SGCZ: variants seen among roughly 807,000 people sequenced by gnomAD.
SGCZ encodes the protein sarcoglycan zeta.
A neutral mutation model predicts 41.3 loss-of-function variants in SGCZ; 40 were observed. The ratio of observed to expected loss-of-function variants is 0.97; its 90% CI spans 0.75 to 1.26. The LOEUF is 1.26. Ranked by LOEUF, SGCZ falls within the 50% of genes most tolerant of loss-of-function variation. The pLI is 0.00. For synonymous variants in SGCZ, 206 were observed against 137.5 expected, an observed-to-expected ratio of 1.50 and a Z score of -3.49; for missense variants, 552 against 369.8, an observed-to-expected ratio of 1.49 and a Z score of -4.04.
intron 1 of SGCZ, among the ~76,000 whole-genome samples, chr8:15,161,201 C>T (rs895802688): frequency 6.6e-6 from 1 of 152,084 alleles, no homozygotes; most frequent in African/African-American, 2.4e-5. Flanking sequence ...ATATACCCAC[C>T]TACTCCAACA....
chr8:15,047,792 C>T (rs1030185316), intron 1 of SGCZ, among the ~76,000 whole-genome samples: 9 of 151,920 alleles, frequency 5.9e-5, no homozygotes, highest in East Asian at 5.8e-4. Flanking sequence ...CTTTTATCAT[C>T]GTACCGCAGT....
chr8:14,477,368 T>A (rs1392416572), intron 2 of SGCZ, among the ~76,000 whole-genome samples: 2 of 152,152 alleles, frequency 1.3e-5, no homozygotes, highest in African/African-American at 4.8e-5. Flanking sequence ...CATTAATGAA[T>A]GTTAATATTC....
chr8:14,734,616 C>A (rs982221202), intron 1 of SGCZ, among the ~76,000 whole-genome samples: 1 of 152,148 alleles, frequency 6.6e-6, no homozygotes, highest in African/African-American at 2.4e-5. Context: ...ATAATCACTT[C>A]TCTTTATACT....
At chr8:14,189,206 T>G (rs951142372) in intron 4 of SGCZ, among the ~76,000 whole-genome samples, 2 of 152,118 alleles carry the variant, frequency 1.3e-5, no homozygotes, top group Non-Finnish European at 2.9e-5. Flanking sequence ...TAATCTGGGC[T>G]GCTGAAACGC....
chr8:14,554,964 A>T, intron 1 of SGCZ, 38 bp from the exon 2 acceptor site: 1 of 1,495,782 alleles, frequency 6.7e-7, no homozygotes, highest in Non-Finnish European at 9.0e-7. Flanking sequence ...AAGAAGGAAA[A>T]AAAAAGAAGC....
chr8:14,389,935 A>G (rs1475257351), intron 2 of SGCZ, among the ~76,000 whole-genome samples: 1 of 152,044 alleles, frequency 6.6e-6, no homozygotes, highest in Non-Finnish European at 1.5e-5. Context: ...AGTAAATGAC[A>G]AGTTAAAAAC....
chr8:15,119,766 G>A (rs907387930), intron 1 of SGCZ, among the ~76,000 whole-genome samples: 4 of 151,902 alleles, frequency 2.6e-5, no homozygotes, highest in Non-Finnish European at 5.9e-5. Context: ...TCACTACCAC[G>A]CTCTTATATT....
chr8:14,547,626 G>C (rs1416764982), intron 2 of SGCZ, among the ~76,000 whole-genome samples: 5 of 152,104 alleles, frequency 3.3e-5, no homozygotes, highest in Non-Finnish European at 7.4e-5. Context: ...CTGTTTTAAA[G>C]AGCTTTTGTA....
intron 1 of SGCZ, among the ~76,000 whole-genome samples, chr8:15,142,719 C>A (rs1798925130): frequency 6.6e-6 from 1 of 151,490 alleles, no homozygotes; most frequent in Non-Finnish European, 1.5e-5. Context: ...TCAAGTCATC[C>A]TCCAACCTCA....
intron 2 of SGCZ, among the ~76,000 whole-genome samples, chr8:14,347,790 G>C (rs1480041565): frequency 6.6e-6 from 1 of 151,994 alleles, no homozygotes; most frequent in Non-Finnish European, 1.5e-5. Context: ...TATTTACACT[G>C]TCTGTGTACT....
intron 1 of SGCZ, among the ~76,000 whole-genome samples, chr8:14,598,218 T>C (rs975913521): frequency 6.6e-6 from 1 of 151,866 alleles, no homozygotes; most frequent in Admixed American, 6.6e-5. Flanking sequence ...AAGTGGGGCA[T>C]TTTTTTTCAT....
chr8:14,380,399 T>C (rs532257533), intron 2 of SGCZ, among the ~76,000 whole-genome samples: 19 of 152,328 alleles, frequency 1.2e-4, no homozygotes, highest in African/African-American at 4.6e-4. Flanking sequence ...CTGATCCATC[T>C]GGAATTTATT....
At chr8:14,784,274 A>G (rs916351744) in intron 1 of SGCZ, among the ~76,000 whole-genome samples, 3 of 151,050 alleles carry the variant, frequency 2.0e-5, no homozygotes, top group Non-Finnish European at 4.4e-5. Context: ...CTGGTCTTGA[A>G]CTCCTGGGTT....
chr8:14,338,743 C>CT (rs1299583612), intron 2 of SGCZ, among the ~76,000 whole-genome samples: 1 of 152,010 alleles, frequency 6.6e-6, no homozygotes, highest in Non-Finnish European at 1.5e-5. Context: ...AACAAACTGG[C>CT]TTTTTTTGCC....
intron 2 of SGCZ, among the ~76,000 whole-genome samples, chr8:14,405,728 T>C (rs1028379686): frequency 1.3e-5 from 2 of 152,318 alleles, no homozygotes; most frequent in South Asian, 2.1e-4. Context: ...TCAAATTATA[T>C]TGTACTACAC....
intron 3 of SGCZ, among the ~76,000 whole-genome samples, chr8:14,245,818 T>G (rs1184708812): frequency 6.6e-6 from 1 of 152,096 alleles, no homozygotes; most frequent in Non-Finnish European, 1.5e-5. Flanking sequence ...AAAGAAGACA[T>G]TTATGCAGCC....
chr8:15,139,858 C>A (rs1029515012), intron 1 of SGCZ, among the ~76,000 whole-genome samples: 1 of 152,098 alleles, frequency 6.6e-6, no homozygotes, highest in Non-Finnish European at 1.5e-5. Flanking sequence ...ACGGTAGTCA[C>A]TGAAGTTCCC....
At chr8:15,065,620 G>T (rs532716281) in intron 1 of SGCZ, among the ~76,000 whole-genome samples, 1 of 151,754 alleles carries the variant, frequency 6.6e-6, no homozygotes, top group East Asian at 2.0e-4. Context: ...TGTATTTTCG[G>T]TAGAGACAGG....
At chr8:14,217,652 GAGAC>G (rs1198502919) in intron 4 of SGCZ, among the ~76,000 whole-genome samples, 1 of 35,808 alleles carries the variant, frequency 2.8e-5, no homozygotes, top group East Asian at 8.8e-4. Flanking sequence ...TTTTTTTTTT[GAGAC>G]AGAGTCTCTG....
Sources: allele counts gnomAD v4.1 joint callset (sites outside exome capture counted in the v4.1 genomes callset), GRCh38; gene constraint gnomAD v4.1.1; transcripts MANE v1.5; gene names NCBI Gene and HGNC (gene_info 2026-07-23, HGNC 2026-07-21).